The following SEMA3C variants were observed in gnomAD, a reference collection of about 807,000 sequenced individuals.
SEMA3C encodes semaphorin-3C.
In SEMA3C, 47 loss-of-function variants were observed where a neutral mutation model predicts 89.4. The ratio of observed to expected loss-of-function variants is 0.53; its 90% CI spans 0.42 to 0.67. The LOEUF (loss-of-function observed/expected upper bound fraction) is 0.67. Among genes scored for constraint, SEMA3C ranks in the 30% least tolerant of loss-of-function variants. The probability of loss-of-function intolerance (pLI) is 0.00; values close to 1 mark genes in which losing one functional copy is unlikely to be tolerated. For synonymous variants in SEMA3C, 310 were observed against 320.2 expected (o/e 0.97, Z 0.34); for missense variants, 839 against 929.1 (o/e 0.90, Z 1.26).
At chr7:80,852,620 A>G (rs1437155773) in intron 2 of SEMA3C, among the ~76,000 whole-genome samples, 1 of 152,178 alleles carries the variant, frequency 6.6e-6, no homozygotes, top group Non-Finnish European at 1.5e-5. Context: ...GAGCTCAAAC[A>G]ACTCAATAGG....
chr7:80,818,524 CATAAACTTTTGATGTATTA>C, intron 4 of SEMA3C, 106 bp from the exon 5 acceptor site: 2 of 1,321,792 alleles, frequency 1.5e-6, no homozygotes, highest in Non-Finnish European at 1.0e-6. Flanking sequence ...AATGAGGTGA[CATAAACTTTTGATGTATTA>C]GTCCAGGGGC....
intron 13 of SEMA3C, among the ~76,000 whole-genome samples, chr7:80,764,578 CT>C (rs777431040): frequency 2.0e-5 from 3 of 151,812 alleles, no homozygotes; most frequent in Non-Finnish European, 4.4e-5. Context: ...TTTTTCTGTC[CT>C]TTTTTTCTTT....
intron 2 of SEMA3C, among the ~76,000 whole-genome samples, chr7:80,837,427 G>A (rs1790159630): frequency 6.6e-6 from 1 of 152,158 alleles, no homozygotes; most frequent in Admixed American, 6.5e-5. Context: ...ATATTTTGTG[G>A]CAAAGTTACC....
intron 2 of SEMA3C, among the ~76,000 whole-genome samples, chr7:80,849,735 G>A (rs1790469075): frequency 1.3e-5 from 2 of 152,074 alleles, no homozygotes; most frequent in South Asian, 4.1e-4. Context: ...TTGTGGTCTT[G>A]TGATAGCCAA....
At chr7:80,790,072 C>T (rs532201196) in intron 11 of SEMA3C, among the ~76,000 whole-genome samples, 1 of 152,132 alleles carries the variant, frequency 6.6e-6, no homozygotes, top group African/African-American at 2.4e-5. Flanking sequence ...ATGTTGAAGC[C>T]AGGGGTTCAA....
At chr7:80,767,288 G>A (rs1788326616) in intron 12 of SEMA3C, among the ~76,000 whole-genome samples, 1 of 152,134 alleles carries the variant, frequency 6.6e-6, no homozygotes, top group African/African-American at 2.4e-5. Context: ...TCAAAATGTA[G>A]AGGAAATTTT....
chr7:80,816,580 T>C (rs1240926496), intron 5 of SEMA3C, among the ~76,000 whole-genome samples: 1 of 152,182 alleles, frequency 6.6e-6, no homozygotes, highest in Admixed American at 6.5e-5. Context: ...ATTTACAATA[T>C]GGCTTTTATA....
chr7:80,851,471 T>C (rs2115938266), intron 2 of SEMA3C, among the ~76,000 whole-genome samples: 1 of 123,244 alleles, frequency 8.1e-6, no homozygotes, highest in Middle Eastern at 6.1e-3. Flanking sequence ...GCCACTGCGC[T>C]CCAGCTGGGT....
chr7:80,750,487 C>CACACACACACACACACACACACACACAT, intron 16 of SEMA3C, among the ~76,000 whole-genome samples: 1 of 143,174 alleles, frequency 7.0e-6, no homozygotes, highest in Non-Finnish European at 1.5e-5. Flanking sequence ...CACACACACA[C>CACACACACACACACACACACACACACAT]ACACACACAC....
At chr7:80,754,125 C>T (rs1270014479) in intron 15 of SEMA3C, among the ~76,000 whole-genome samples, 6 of 152,074 alleles carry the variant, frequency 3.9e-5, no homozygotes, top group African/African-American at 1.2e-4. Context: ...TTAGTAGAGA[C>T]GGGGTTTCAC....
chr7:80,770,730 C>G (rs550786234), intron 12 of SEMA3C, among the ~76,000 whole-genome samples: 1 of 152,172 alleles, frequency 6.6e-6, no homozygotes, highest in South Asian at 2.1e-4. Flanking sequence ...GTAAGCCTGG[C>G]CAATAAGAGC....
At chr7:80,866,793 T>C (rs985946523) in intron 2 of SEMA3C, among the ~76,000 whole-genome samples, 1 of 152,230 alleles carries the variant, frequency 6.6e-6, no homozygotes, top group Non-Finnish European at 1.5e-5. Flanking sequence ...TTACAGGCAC[T>C]GCCATTTTGC....
At chr7:80,849,227 T>A (rs946922541) in intron 2 of SEMA3C, among the ~76,000 whole-genome samples, 2 of 152,284 alleles carry the variant, frequency 1.3e-5, no homozygotes, top group East Asian at 3.9e-4. Context: ...ATACTTTGAC[T>A]TCATTTTATA....
intron 17 of SEMA3C, among the ~76,000 whole-genome samples, chr7:80,747,833 T>C (rs974368956): frequency 8.5e-5 from 13 of 152,154 alleles, no homozygotes; most frequent in African/African-American, 2.7e-4. Context: ...CTCCTGCAAG[T>C]AGTCATCTGC....
chr7:80,905,054 G>A (rs995445107), intron 2 of SEMA3C, among the ~76,000 whole-genome samples: 1 of 151,500 alleles, frequency 6.6e-6, no homozygotes, highest in Non-Finnish European at 1.5e-5. Context: ...AAAAAAAAAA[G>A]CTTTTGAACT....
intron 10 of SEMA3C, among the ~76,000 whole-genome samples, chr7:80,798,871 A>G (rs1789129964): frequency 6.6e-6 from 1 of 152,222 alleles, no homozygotes; most frequent in Admixed American, 6.5e-5. Context: ...GTCCTATGGC[A>G]GGTTGGCTGA....
In SEMA3C at chr7:80,749,475, T is replaced by C. The variant is rs541094273; in HGVS notation, c.1712-447A>G. ...CATTCCTAAAGTCCATACTCAATGT[T>C]ATATAGAGGAAATAGGTAAGCACTG... On this transcript the variant is annotated intron_variant, in intron 16 of 17. Coordinates refer to ENST00000265361, the MANE Select transcript of SEMA3C (RefSeq NM_006379.5). 2.6e-5 allele frequency among the ~76,000 whole-genome samples: 4 copies of C among 152,262 alleles called. No individual in the cohort carries two copies. The East Asian group carries it at 7.7e-4, about 29-fold the overall frequency.
intron 7 of SEMA3C, 45 bp from the exon 8 acceptor site, chr7:80,804,293 T>A: frequency 7.1e-7 from 1 of 1,407,050 alleles, no homozygotes. Flanking sequence ...ATTATGAAAA[T>A]CCATCTTCTG....
chr7:80,827,244 G>A (rs1005678835), intron 4 of SEMA3C, among the ~76,000 whole-genome samples, 181 bp downstream of exon 4: 16 of 152,066 alleles, frequency 1.1e-4, no homozygotes, highest in African/African-American at 3.9e-4. Flanking sequence ...TAGGAATTCT[G>A]AAGTTACAGA....
Sources: gnomAD v4.1 joint callset for allele counts (sites outside exome capture counted in the v4.1 genomes callset) on GRCh38, gnomAD v4.1.1 for gene constraint, MANE v1.5 for transcripts, NCBI Gene and HGNC (gene_info 2026-07-23, HGNC 2026-07-21) for gene names.